The following PCSK6 variants were observed in gnomAD, a reference collection of about 807,000 sequenced individuals.
PCSK6 encodes proprotein convertase subtilisin/kexin type 6, also known as paired basic amino acid cleaving enzyme 4.
In PCSK6, 85 loss-of-function variants were observed where a neutral mutation model predicts 123.3. That is an observed-to-expected ratio of 0.69 (90% CI 0.58 to 0.83). The LOEUF (loss-of-function observed/expected upper bound fraction) is 0.83, where lower values mean the gene tolerates loss of function less well. PCSK6 is among the 40% of genes least tolerant of loss of function. The pLI is 0.00. For synonymous variants in PCSK6, 508 were observed against 516.0 expected (o/e 0.98, Z 0.21); for missense variants, 1,191 against 1,282.3 (o/e 0.93, Z 1.09).
intron 13 of PCSK6, among the ~76,000 whole-genome samples, chr15:101,352,030 C>T (rs553683156): frequency 6.6e-6 from 1 of 151,882 alleles, no homozygotes; most frequent in East Asian, 1.9e-4. Flanking sequence ...CATTTACTAT[C>T]TGACCCTTTA....
Position 101,441,892 on chromosome 15 carries a change from G to A in PCSK6, c.402+1664C>T, listed in dbSNP as rs144348040. 2.1e-3 allele frequency among the ~76,000 whole-genome samples: 313 copies of A among 152,294 alleles called. 4 individuals are homozygous for A. The highest frequency in any genetic ancestry group is 6.8e-3 in the Middle Eastern group (2 of 294). ...AAGTGAAAGTGTGGAGGGATGCTGC[G>A]TCGACCTCTTTCCTAGCTTAGAATT... On this transcript the variant is annotated intron_variant, in intron 2 of 21. Coordinates refer to ENST00000611716, the MANE Select transcript of PCSK6 (RefSeq NM_002570.5).
At chr15:101,481,988 G>A (rs1293074904) in intron 1 of PCSK6, among the ~76,000 whole-genome samples, 6 of 152,216 alleles carry the variant, frequency 3.9e-5, no homozygotes, top group African/African-American at 1.4e-4. Context: ...TTGAGTCTGT[G>A]CGCGTTCACG....
intron 6 of PCSK6, among the ~76,000 whole-genome samples, chr15:101,427,175 G>A (rs897533880): frequency 2.2e-4 from 34 of 152,212 alleles, no homozygotes; most frequent in Non-Finnish European, 3.8e-4. Flanking sequence ...AGCAGTGTGA[G>A]AAGCTAAATG....
At chr15:101,461,579 G>A (rs1218411860) in intron 1 of PCSK6, among the ~76,000 whole-genome samples, 5 of 152,152 alleles carry the variant, frequency 3.3e-5, no homozygotes, top group African/African-American at 1.2e-4. Flanking sequence ...CCAGAATATA[G>A]AAGCAAAACT....
chr15:101,382,020 C>T, intron 11 of PCSK6, 72 bp downstream of exon 11: 1 of 1,012,136 alleles, frequency 9.9e-7, no homozygotes. Flanking sequence ...CCTCCCCCAG[C>T]CACACCTTAC....
intron 2 of PCSK6, among the ~76,000 whole-genome samples, chr15:101,432,459 CA>C (rs56385883): frequency 1.7e-3 from 198 of 117,306 alleles, no homozygotes; most frequent in Middle Eastern, 4.5e-3. Context: ...CCCACCTCTC[CA>C]AAAAAAAAAA....
chr15:101,470,242 TTTAA>T (rs1461253573), intron 1 of PCSK6, among the ~76,000 whole-genome samples: 6 of 152,240 alleles, frequency 3.9e-5, no homozygotes, highest in African/African-American at 1.4e-4. Context: ...ACATTAAACA[TTTAA>T]TTAGTTTTAT....
intron 15 of PCSK6, among the ~76,000 whole-genome samples, chr15:101,326,760 G>A (rs891995742): frequency 6.6e-6 from 1 of 152,248 alleles, no homozygotes; most frequent in Non-Finnish European, 1.5e-5. Context: ...CCCGGAGCAG[G>A]GAGGAGATGG....
chr15:101,315,406 G>A (rs1020241555), intron 19 of PCSK6, among the ~76,000 whole-genome samples: 3 of 152,116 alleles, frequency 2.0e-5, no homozygotes, highest in Non-Finnish European at 2.9e-5. Context: ...CCATTAAGTC[G>A]CAAGTCTCTA....
In PCSK6 at chr15:101,305,231, C is replaced by T. The variant is rs1486935811; in HGVS notation, c.*27G>A. On this transcript the variant is annotated 3_prime_UTR_variant, in exon 22 of 22. Transcript: ENST00000611716. The surrounding 1 kb of genome is among the most constrained non-coding windows in gnomAD (Gnocchi z 4.8). ...TGGACGGATGGATGGATGGGAGTGC[C>T]TGCCCTCTGTGGGCAGCTAGGCACC... is the stretch of plus-strand genomic sequence containing the variant. The T allele has an allele frequency of 2.5e-6, 4 of 1,572,244 alleles. No individual in the cohort carries two copies. Among genetic ancestry groups the T allele is most frequent in the Non-Finnish European group, 2.6e-6 (3 of 1,150,608 alleles).
chr15:101,395,718 A>G (rs2141563758), intron 7 of PCSK6, among the ~76,000 whole-genome samples: 1 of 152,288 alleles, frequency 6.6e-6, no homozygotes, highest in Middle Eastern at 3.4e-3. Context: ...ACTTCAACCC[A>G]ATCAAATCGT....
intron 13 of PCSK6, among the ~76,000 whole-genome samples, chr15:101,337,916 T>G (rs2040518979): frequency 6.6e-6 from 1 of 152,224 alleles, no homozygotes; most frequent in Admixed American, 6.5e-5. Flanking sequence ...TTTAGTCCAG[T>G]TCCCTTTTTT....
At chr15:101,437,580 T>G (rs868680580) in intron 2 of PCSK6, among the ~76,000 whole-genome samples, 1 of 152,186 alleles carries the variant, frequency 6.6e-6, no homozygotes, top group African/African-American at 2.4e-5. Context: ...ATTTCTTGAA[T>G]TCTTTCCATT....
intron 6 of PCSK6, among the ~76,000 whole-genome samples, chr15:101,408,656 C>A (rs1046573710): frequency 3.9e-5 from 6 of 152,218 alleles, no homozygotes; most frequent in Non-Finnish European, 8.8e-5. Context: ...CTAACATTCA[C>A]CAAATCCCCC....
Position 101,412,708 on chromosome 15 carries a change from TATATAA to T in PCSK6, c.824-14138_824-14133del, listed in dbSNP as rs2055736359. 2.9e-5 allele frequency among the ~76,000 whole-genome samples: 4 copies of T among 138,970 alleles called. No individual in the cohort carries two copies. In the South Asian group the frequency reaches 6.6e-4, roughly 23 times the overall value. 91.2% of individuals were successfully genotyped at this position (138,970 alleles called of 152,430 possible). ...CTGGAAAATTATATATATATATATA[TATATAA>T]AATTACCCAATCTGAACAACATAAA... On this transcript the variant is annotated intron_variant, in intron 6 of 21. Coordinates refer to ENST00000611716, the MANE Select transcript of PCSK6 (RefSeq NM_002570.5).
chr15:101,380,746 C>G (rs964929076), intron 11 of PCSK6, among the ~76,000 whole-genome samples: 2 of 152,224 alleles, frequency 1.3e-5, no homozygotes, highest in African/African-American at 4.8e-5. Flanking sequence ...ACACATTTTT[C>G]TCAACTATTT....
intron 1 of PCSK6, chr15:101,463,075 G>T (rs1221516829): frequency 2.2e-6 from 1 of 460,714 alleles, no homozygotes; most frequent in Admixed American, 2.3e-5. Flanking sequence ...CTGCCCTGCG[G>T]ACACTTCTTC....
intron 6 of PCSK6, among the ~76,000 whole-genome samples, chr15:101,400,628 G>A (rs867717939): frequency 3.3e-5 from 5 of 152,232 alleles, no homozygotes; most frequent in African/African-American, 4.8e-5. Context: ...AACATTTTAC[G>A]TGAGTAGAAT....
chr15:101,440,747 C>A (rs146586779), intron 2 of PCSK6, among the ~76,000 whole-genome samples: 1 of 152,196 alleles, frequency 6.6e-6, no homozygotes, highest in Non-Finnish European at 1.5e-5. Flanking sequence ...GCTTTGCCAA[C>A]GTAGGGAAAC....
Sources: allele counts gnomAD v4.1 joint callset (sites outside exome capture counted in the v4.1 genomes callset), GRCh38; gene constraint gnomAD v4.1.1; non-coding constraint Gnocchi (gnomAD v3.1); transcripts MANE v1.5; gene names NCBI Gene and HGNC (gene_info 2026-07-23, HGNC 2026-07-21).